Variants in BEND5 observed in about 807,000 individuals in gnomAD.
The protein encoded by BEND5 is BEN domain-containing protein 5.
Under a neutral mutation model 43.9 loss-of-function variants are expected in BEND5, and 22 were observed. The observed-to-expected ratio is 0.50, with a 90% CI of 0.36 to 0.72. BEND5 has a LOEUF of 0.72. BEND5 is among the 30% of genes least tolerant of loss of function. The probability of loss-of-function intolerance (pLI) is 0.00; values close to 1 mark genes in which losing one functional copy is unlikely to be tolerated. For synonymous variants in BEND5, 228 were observed against 225.9 expected (o/e 1.01, Z -0.08); for missense variants, 428 against 550.6 (o/e 0.78, Z 2.23).
chr1:48,758,152 G>C (rs1377043274), intron 3 of BEND5, among the ~76,000 whole-genome samples: 1 of 152,142 alleles, frequency 6.6e-6, no homozygotes, highest in Non-Finnish European at 1.5e-5. Context: ...CAAACCAAAG[G>C]AGTTTTATAC....
Position 48,759,022 on chromosome 1 carries a change from C to A in BEND5, c.623G>T (p.Arg208Leu). Residue 208 changes from arginine to leucine, a missense_variant, in exon 3 of 6, where the codon CGG becomes CTG. Physicochemically the swap from Arg to Leu is moderately radical, Grantham distance 102 (BLOSUM62 -2). Coordinates refer to ENST00000371833, the MANE Select transcript of BEND5 (RefSeq NM_024603.4). ...CTTGGCCTGTTGTACCAGCTGCCTCCGAGTCCGCTCCAGCTCCTGCTGGAG... is the reference window on the plus strand; with the variant it reads ...CTTGGCCTGTTGTACCAGCTGCCTCAGAGTCCGCTCCAGCTCCTGCTGGAG... ...RHLQQELERTRRQLVQQAKKL... is the reference protein window; with the variant it reads ...RHLQQELERTLRQLVQQAKKL... 6.2e-7 allele frequency: 1 copy of A among 1,613,982 alleles called. No homozygotes were observed. The highest frequency in any genetic ancestry group is 2.2e-5 in the East Asian group (1 of 44,876).
chr1:48,756,344 T>C (rs1253213615), intron 3 of BEND5, among the ~76,000 whole-genome samples: 1 of 152,318 alleles, frequency 6.6e-6, no homozygotes, highest in South Asian at 2.1e-4. Context: ...CAGTCCTCTA[T>C]GGTTTTGTCC....
chr1:48,772,130 A>G (rs1180460648), intron 1 of BEND5, among the ~76,000 whole-genome samples: 1 of 152,200 alleles, frequency 6.6e-6, no homozygotes, highest in African/African-American at 2.4e-5. Flanking sequence ...GGCACAAGGA[A>G]GCCAGGCCCC....
At position 48,769,567 on chromosome 1, in the gene BEND5, ACAC is replaced by A. The variant is rs1175981250; in HGVS notation, c.226+7036_226+7038del. ...CACACACACACACACACACACACAC[ACAC>A]AAGTTAAATTTTAAACTTGTATGCT... is the stretch of plus-strand genomic sequence containing the variant. On this transcript the variant is annotated intron_variant, in intron 1 of 5. Transcript: ENST00000371833. 9.1e-3 allele frequency among the ~76,000 whole-genome samples: 1,328 copies of A among 146,508 alleles called. 21 individuals carry two copies. Among genetic ancestry groups the A allele is most frequent in the African/African-American group, 0.031 (1,193 of 38,702 alleles).
At chr1:48,758,876 T>C (rs377733697) in intron 3 of BEND5, 24 bp downstream of exon 3, 77 of 1,483,318 alleles carry the variant, frequency 5.2e-5, no homozygotes, top group Non-Finnish European at 6.4e-5. Context: ...AGTGGAGTGG[T>C]AGGTGACCTG....
At chr1:48,734,918 T>C (rs1222382522) in intron 5 of BEND5, among the ~76,000 whole-genome samples, 1 of 152,198 alleles carries the variant, frequency 6.6e-6, no homozygotes, top group Non-Finnish European at 1.5e-5. Flanking sequence ...ATGGCAGACC[T>C]GGACACTAGT....
At chr1:48,735,468 G>A (rs1161813974) in intron 5 of BEND5, among the ~76,000 whole-genome samples, 1 of 150,486 alleles carries the variant, frequency 6.6e-6, no homozygotes, top group Non-Finnish European at 1.5e-5. Context: ...AGAGGAAGGA[G>A]GAAAGGAAGG....
chr1:48,732,282 G>A (rs1648265602), intron 5 of BEND5, among the ~76,000 whole-genome samples: 1 of 152,180 alleles, frequency 6.6e-6, no homozygotes, highest in South Asian at 2.1e-4. Context: ...GTGGGCATCT[G>A]TGAAGAGATA....
chr1:48,738,688 T>C (rs1226062908), intron 4 of BEND5, among the ~76,000 whole-genome samples: 1 of 152,226 alleles, frequency 6.6e-6, no homozygotes. Flanking sequence ...CAAAAATCTC[T>C]GCTTTTTTCC....
intron 4 of BEND5, among the ~76,000 whole-genome samples, chr1:48,742,404 T>TA (rs1005157129): frequency 6.7e-5 from 7 of 103,750 alleles, no homozygotes; most frequent in Non-Finnish European, 1.4e-4. Context: ...CAATATTTTT[T>TA]AAAAAAAGAA....
In BEND5 at chr1:48,727,889, T is replaced by G; in HGVS notation, c.1263A>C (p.Gln421His). 1 of 1,602,242 alleles carries G rather than the reference T, an allele frequency of 6.2e-7. No individual in the cohort carries two copies. Among genetic ancestry groups the G allele is most frequent in the Non-Finnish European group, 8.5e-7 (1 of 1,172,506 alleles). The change falls in exon 6 of 6, where the codon CAA (glutamine) becomes CAC (histidine). Residue 421 changes from glutamine to histidine, a missense_variant. Gln to His is a conservative substitution (Grantham distance 24). Around this residue, in one of 4 missense-constraint regions of BEND5, gnomAD observed 75 missense variants for 148.5 expected, o/e 0.50. Transcript: ENST00000371833. ...AGCTTTATGAAAAATCCAAAGTTTA[T>G]TGCAAATTGTATTTTGCTTCCCTTC... is the stretch of plus-strand genomic sequence containing the variant. ...EERREAKYNL[Q>H]
At chr1:48,759,767 T>G (rs1430876433) in intron 2 of BEND5, among the ~76,000 whole-genome samples, 1 of 152,190 alleles carries the variant, frequency 6.6e-6, no homozygotes, top group Non-Finnish European at 1.5e-5. Flanking sequence ...CTAAAGGCAA[T>G]TCACCATGTA....
At chr1:48,754,033 C>T (rs1652146948) in intron 3 of BEND5, among the ~76,000 whole-genome samples, 1 of 152,194 alleles carries the variant, frequency 6.6e-6, no homozygotes, top group South Asian at 2.1e-4. Context: ...TATGTCTGCT[C>T]CTCTTTGTAT....
At chr1:48,750,077 AC>A (rs1557942866) in intron 3 of BEND5, among the ~76,000 whole-genome samples, 1 of 152,102 alleles carries the variant, frequency 6.6e-6, no homozygotes, top group Non-Finnish European at 1.5e-5. Flanking sequence ...TCAATCCATG[AC>A]CCTGACCTCT....
intron 3 of BEND5, among the ~76,000 whole-genome samples, chr1:48,743,855 C>A (rs1650313404): frequency 6.6e-6 from 1 of 152,212 alleles, no homozygotes; most frequent in Admixed American, 6.5e-5. Flanking sequence ...GAATTTGTTA[C>A]TAAAATTCTT....
chr1:48,761,557 A>G (rs1372016565), intron 1 of BEND5, 87 bp from the exon 2 acceptor site: 1 of 1,360,016 alleles, frequency 7.4e-7, no homozygotes, highest in Non-Finnish European at 9.9e-7. Context: ...CAAATGCTAG[A>G]AAATAATTGA....
intron 5 of BEND5, among the ~76,000 whole-genome samples, chr1:48,734,919 G>A (rs1353310316): frequency 6.6e-6 from 1 of 152,186 alleles, no homozygotes; most frequent in African/African-American, 2.4e-5. Flanking sequence ...TGGCAGACCT[G>A]GACACTAGTC....
At chr1:48,746,203 A>G (rs1213475266) in intron 3 of BEND5, among the ~76,000 whole-genome samples, 1 of 152,202 alleles carries the variant, frequency 6.6e-6, no homozygotes, top group Admixed American at 6.5e-5. Context: ...ATATGAAACA[A>G]TGATTTCAGA....
At chr1:48,763,620 T>G (rs190275616) in intron 1 of BEND5, among the ~76,000 whole-genome samples, 1 of 152,246 alleles carries the variant, frequency 6.6e-6, no homozygotes, top group East Asian at 1.9e-4. Flanking sequence ...AAGTCTGACA[T>G]GCAGAGCCAC....
Sources: allele counts gnomAD v4.1 joint callset (sites outside exome capture counted in the v4.1 genomes callset), GRCh38; gene constraint gnomAD v4.1.1; regional missense constraint gnomAD v4.1.1; transcripts MANE v1.5; gene names NCBI Gene and HGNC (gene_info 2026-07-23, HGNC 2026-07-21).